The following EPN2 variants were observed in gnomAD, a reference collection of about 807,000 sequenced individuals.
EPN2 encodes the protein epsin 2.
A neutral mutation model predicts 61.7 loss-of-function variants in EPN2; 34 were observed. The ratio of observed to expected loss-of-function variants is 0.55; its 90% CI spans 0.42 to 0.73. The LOEUF is 0.73. Ranked by LOEUF, EPN2 falls within the 30% of genes least tolerant of loss-of-function variation. The probability of loss-of-function intolerance (pLI) is 0.00; values close to 1 mark genes in which losing one functional copy is unlikely to be tolerated. For missense variants in EPN2, 714 were observed against 839.2 expected (o/e 0.85, Z 1.84); for synonymous variants, 349 against 353.6 (o/e 0.99, Z 0.15).
chr17:19,247,576 G>T, intron 1 of EPN2, among the ~76,000 whole-genome samples: 1 of 152,250 alleles, frequency 6.6e-6, no homozygotes. Flanking sequence ...GTAGGTGCTT[G>T]AGTGTGTGCT....
At chr17:19,319,156 C>T (rs1206252582) in intron 7 of EPN2, among the ~76,000 whole-genome samples, 2 of 151,566 alleles carry the variant, frequency 1.3e-5, no homozygotes, top group Admixed American at 6.6e-5. Context: ...CAAGACCATG[C>T]CACTGCACTC....
chr17:19,299,068 G>A (rs1047084394), intron 4 of EPN2, among the ~76,000 whole-genome samples: 1 of 152,140 alleles, frequency 6.6e-6, no homozygotes, highest in Admixed American at 6.5e-5. Flanking sequence ...CAAACAGACT[G>A]TTTCCAAACA....
intron 1 of EPN2, among the ~76,000 whole-genome samples, chr17:19,266,096 T>C (rs535521142): frequency 6.6e-6 from 1 of 152,286 alleles, no homozygotes; most frequent in East Asian, 1.9e-4. Flanking sequence ...CACTGCTGCT[T>C]GATCAAGATT....
chr17:19,328,980 T>A (rs953979681), intron 8 of EPN2, 93 bp downstream of exon 8: 2 of 1,108,086 alleles, frequency 1.8e-6, no homozygotes, highest in African/African-American at 3.1e-5. Context: ...GCCCTGTTGC[T>A]TTGCTTGCAT....
chr17:19,300,745 G>GGCCTTCCT (rs1905458474), intron 4 of EPN2, among the ~76,000 whole-genome samples: 1 of 152,162 alleles, frequency 6.6e-6, no homozygotes. Context: ...CAATCTTGGA[G>GGCCTTCCT]GCCTTCCTGG....
intron 1 of EPN2, chr17:19,271,788 T>G (rs1362139331): frequency 1.3e-5 from 2 of 152,300 alleles, no homozygotes; most frequent in Non-Finnish European, 2.9e-5. Flanking sequence ...CACTTGTACA[T>G]GCACAGTGTA....
Position 19,301,453 on chromosome 17 carries a change from C to G in EPN2, c.767-8432C>G, listed in dbSNP as rs116525122. On this transcript the variant is annotated intron_variant, in intron 4 of 10. Coordinates refer to ENST00000314728, the MANE Select transcript of EPN2 (RefSeq NM_014964.5). ...TGGCAGCATGACACACTAGCTGATT[C>G]AGGAACCAGGTGTCATACATAGGAT... 4.9e-3 allele frequency among the ~76,000 whole-genome samples: 752 copies of G among 152,284 alleles called. 4 individuals are homozygous for G. Among genetic ancestry groups the G allele is most frequent in the African/African-American group, 0.018 (733 of 41,556 alleles).
chr17:19,335,166 T>C lies in EPN2; in HGVS notation c.*912T>C, dbSNP rs973650755. 4 of 375,890 alleles carry C rather than the reference T, an allele frequency of 1.1e-5. No individual in the cohort carries two copies. The highest frequency in any genetic ancestry group is 1.9e-5 in the Non-Finnish European group (4 of 209,302). 23.3% of individuals were successfully genotyped at this position (375,890 alleles called of 1,614,324 possible). On this transcript the variant is annotated 3_prime_UTR_variant, in exon 11 of 11. Transcript: ENST00000314728. ...GAATTTGATTACACATAGATGATGA[T>C]GTTTATTTAAAAAAAAAACAACAGC...
chr17:19,329,204 T>C, intron 8 of EPN2: 1 of 426,892 alleles, frequency 2.3e-6, no homozygotes, highest in Non-Finnish European at 4.2e-6. Flanking sequence ...CAGGCTGGCC[T>C]CCAGGCACTC....
chr17:19,314,422 A>G (rs1289862275), intron 7 of EPN2, among the ~76,000 whole-genome samples: 2 of 152,186 alleles, frequency 1.3e-5, no homozygotes, highest in Admixed American at 1.3e-4. Flanking sequence ...CAGAAGACTC[A>G]GCGTGTGAGA....
At chr17:19,241,224 A>G (rs2044880887) in intron 1 of EPN2, among the ~76,000 whole-genome samples, 1 of 152,198 alleles carries the variant, frequency 6.6e-6, no homozygotes, top group Non-Finnish European at 1.5e-5. Flanking sequence ...GGATGGGAAG[A>G]GCACATTTGT....
chr17:19,286,011 A>G (rs990535105), intron 4 of EPN2, among the ~76,000 whole-genome samples: 2 of 152,140 alleles, frequency 1.3e-5, no homozygotes, highest in Admixed American at 1.3e-4. Context: ...AGTTCTGTCA[A>G]AGGTTTAGCA....
At chr17:19,305,540 T>G (rs1043622081) in intron 4 of EPN2, among the ~76,000 whole-genome samples, 1 of 152,244 alleles carries the variant, frequency 6.6e-6, no homozygotes, top group African/African-American at 2.4e-5. Context: ...TTCCATACTT[T>G]CTAGGAAAAT....
intron 1 of EPN2, among the ~76,000 whole-genome samples, chr17:19,259,237 T>A (rs925259175): frequency 1.3e-5 from 2 of 151,986 alleles, no homozygotes; most frequent in African/African-American, 4.8e-5. Flanking sequence ...TAGGGAAACA[T>A]GGTTTTGCTG....
intron 6 of EPN2, among the ~76,000 whole-genome samples, chr17:19,312,446 G>A (rs999889280): frequency 6.6e-6 from 1 of 152,230 alleles, no homozygotes; most frequent in Non-Finnish European, 1.5e-5. Context: ...CATGCCAGGG[G>A]CTGCGGAACG....
intron 7 of EPN2, chr17:19,313,493 T>C: frequency 2.3e-6 from 1 of 434,602 alleles, no homozygotes; most frequent in Non-Finnish European, 4.0e-6. Flanking sequence ...GGTTTTCTGC[T>C]TTGGGAGAAG....
chr17:19,333,916 C>G (rs1420640429), intron 10 of EPN2, 40 bp from the exon 11 acceptor site: 1 of 1,496,300 alleles, frequency 6.7e-7, no homozygotes, highest in Admixed American at 2.2e-5. Flanking sequence ...AAAGCCACAC[C>G]CTGACGGCTC....
Position 19,285,309 on chromosome 17 carries a change from A to C in EPN2, c.596-311A>C, listed in dbSNP as rs1176818915. On this transcript the variant is annotated intron_variant, in intron 3 of 10. Coordinates refer to ENST00000314728, the MANE Select transcript of EPN2 (RefSeq NM_014964.5). The surrounding 1 kb of genome is among the most constrained non-coding windows in gnomAD (Gnocchi z 4.5). ...ACTTTGCAGATGCAGGGGTTGGAACAGTGGGGATGCAGGAGCCTGGTTTGA... is the reference window on the plus strand; with the variant it reads ...ACTTTGCAGATGCAGGGGTTGGAACCGTGGGGATGCAGGAGCCTGGTTTGA... Among the ~76,000 whole-genome samples, 1 of 152,248 alleles carries C rather than the reference A, an allele frequency of 6.6e-6. No individual in the cohort carries two copies. The highest frequency in any genetic ancestry group is 1.5e-5 in the Non-Finnish European group (1 of 68,024).
intron 5 of EPN2, among the ~76,000 whole-genome samples, chr17:19,310,571 C>CTTTTTTTTT (rs71155391): frequency 0.019 from 1,557 of 80,846 alleles, 22 homozygotes; most frequent in Middle Eastern, 0.024. Context: ...CTCCTTCTTT[C>CTTTTTTTTT]TTTTTTTTTT....
Sources: allele counts gnomAD v4.1 joint callset (sites outside exome capture counted in the v4.1 genomes callset), GRCh38; gene constraint gnomAD v4.1.1; non-coding constraint Gnocchi (gnomAD v3.1); transcripts MANE v1.5; gene names NCBI Gene and HGNC (gene_info 2026-07-23, HGNC 2026-07-21).